OR51B5: variants seen among roughly 807,000 people sequenced by gnomAD.
OR51B5 encodes the protein olfactory receptor family 51 subfamily B member 5.
For synonymous variants in OR51B5, 186 were observed against 144.8 expected (o/e 1.28, Z -2.04); for missense variants, 456 against 374.6 (o/e 1.22, Z -1.79).
intron 1 of OR51B5, among the ~76,000 whole-genome samples, chr11:5,385,691 T>TAG (rs1849678548): frequency 6.9e-6 from 1 of 144,228 alleles, no homozygotes; most frequent in African/African-American, 2.6e-5. Context: ...CTACCTATAA[T>TAG]ATATATGTTG....
chr11:5,351,906 C>G (rs1265160807), intron 1 of OR51B5: 1 of 1,613,028 alleles, frequency 6.2e-7, no homozygotes, highest in East Asian at 2.2e-5. Flanking sequence ...ATACCTCTAT[C>G]CTGACCAACA....
chr11:5,431,003 C>T, intron 1 of OR51B5: 1 of 456,968 alleles, frequency 2.2e-6, no homozygotes, highest in South Asian at 1.5e-5. Flanking sequence ...ATGGCTAAGC[C>T]CAGGATGCTG....
chr11:5,383,912 C>T (rs1403431429), intron 1 of OR51B5: 1 of 152,154 alleles, frequency 6.6e-6, no homozygotes, highest in Non-Finnish European at 1.5e-5. Flanking sequence ...TTGTTATTAC[C>T]TGCTGGTGAG....
chr11:5,477,473 T>C (rs539091494), intron 1 of OR51B5, among the ~76,000 whole-genome samples: 1 of 152,266 alleles, frequency 6.6e-6, no homozygotes, highest in South Asian at 2.1e-4. Flanking sequence ...TGTCTCAGTT[T>C]ATTACAAACC....
At chr11:5,347,145 G>A (rs749607553), upstream of OR51B5, among the ~76,000 whole-genome samples, 10 of 152,142 alleles carry the variant, frequency 6.6e-5, no homozygotes, top group Admixed American at 1.3e-4. Flanking sequence ...GAATCAGACA[G>A]CCTGTCTTCA....
chr11:5,387,248 G>A (rs1272387857), intron 1 of OR51B5, among the ~76,000 whole-genome samples: 2 of 152,100 alleles, frequency 1.3e-5, no homozygotes, highest in African/African-American at 4.8e-5. Flanking sequence ...GCTCTAAAAA[G>A]GAAGGCATGG....
At chr11:5,427,361 TAAGTG>T (rs146121217) in intron 1 of OR51B5, among the ~76,000 whole-genome samples, 25,177 of 152,086 alleles carry the variant, frequency 0.17, 2,197 homozygotes, top group East Asian at 0.24. Flanking sequence ...AACAGTTAGG[TAAGTG>T]AAGTGAATGA....
At chr11:5,454,204 A>G (rs576034244) in intron 1 of OR51B5, 1 of 1,535,602 alleles carries the variant, frequency 6.5e-7, no homozygotes, top group East Asian at 2.2e-5. Flanking sequence ...AAAGCTCTCA[A>G]CACATGTGTG....
chr11:5,495,552 T>G (rs1851638129), intron 1 of OR51B5, among the ~76,000 whole-genome samples: 1 of 152,180 alleles, frequency 6.6e-6, no homozygotes, highest in Non-Finnish European at 1.5e-5. Context: ...TTATGCAAGC[T>G]TTATGGTAAT....
chr11:5,352,464 C>G, intron 1 of OR51B5: 1 of 1,492,348 alleles, frequency 6.7e-7, no homozygotes, highest in Non-Finnish European at 9.2e-7. Context: ...TCACTGGTCT[C>G]TGAGGAATAA....
At chr11:5,341,875 T>C (rs552059775), downstream of OR51B5, among the ~76,000 whole-genome samples, 1 of 152,238 alleles carries the variant, frequency 6.6e-6, no homozygotes, top group African/African-American at 2.4e-5. Context: ...TAGAAGGAGG[T>C]ACTGACTGTG....
At chr11:5,463,561 A>C (rs1851091043) in intron 1 of OR51B5, among the ~76,000 whole-genome samples, 1 of 152,200 alleles carries the variant, frequency 6.6e-6, no homozygotes, top group Non-Finnish European at 1.5e-5. Context: ...CCCAGTTTTA[A>C]AACACTGAAG....
At chr11:5,352,005 C>CCTA (rs776410442) in intron 1 of OR51B5, 1 of 1,613,716 alleles carries the variant, frequency 6.2e-7, no homozygotes, top group Non-Finnish European at 8.5e-7. Flanking sequence ...GGTTTCCCTA[C>CCTA]TGTCGATCCC....
rs1283030669 is a variant in OR51B5, at chr11:5,482,087, A to G, written n.84+23482T>C. On this transcript the variant is annotated intron_variant and non_coding_transcript_variant, in intron 1 of 4. Coordinates refer to the OR51B5 transcript ENST00000415970. Reference sequence around the variant, plus strand: ...AAAAGAACAAAGCTGGAGGCATCACACTACCTGACTTCAAACTATACTACA... The same window carrying G: ...AAAAGAACAAAGCTGGAGGCATCACGCTACCTGACTTCAAACTATACTACA... 3.3e-5 allele frequency among the ~76,000 whole-genome samples: 4 copies of G among 119,710 alleles called. 1 individual carries two copies. The highest frequency in any genetic ancestry group is 6.6e-4 in the East Asian group (2 of 3,032). 78.5% of individuals were successfully genotyped at this position (119,710 alleles called of 152,430 possible).
intron 1 of OR51B5, among the ~76,000 whole-genome samples, chr11:5,412,997 G>C (rs1357347334): frequency 6.6e-6 from 1 of 151,166 alleles, no homozygotes; most frequent in Non-Finnish European, 1.5e-5. Flanking sequence ...TCCTCAAGTG[G>C]ATCCCTGACC....
chr11:5,361,595 T>G (rs1320739145), intron 1 of OR51B5, among the ~76,000 whole-genome samples: 1 of 152,106 alleles, frequency 6.6e-6, no homozygotes, highest in Non-Finnish European at 1.5e-5. Flanking sequence ...GAGAGGGAAA[T>G]GCAGTAATGT....
At chr11:5,430,345 G>C (rs569360798) in intron 1 of OR51B5, among the ~76,000 whole-genome samples, 34 of 152,062 alleles carry the variant, frequency 2.2e-4, no homozygotes, top group African/African-American at 8.2e-4. Flanking sequence ...TATTTGTCAG[G>C]CTTTTTTGCT....
At chr11:5,372,543 T>G (rs1849462983) in intron 1 of OR51B5, among the ~76,000 whole-genome samples, 1 of 152,230 alleles carries the variant, frequency 6.6e-6, no homozygotes, top group Non-Finnish European at 1.5e-5. Context: ...ATATGCCTGC[T>G]GACCATTTGC....
At chr11:5,357,885 A>G (rs1849219495) in intron 1 of OR51B5, among the ~76,000 whole-genome samples, 1 of 152,062 alleles carries the variant, frequency 6.6e-6, no homozygotes, top group South Asian at 2.1e-4. Flanking sequence ...TTGCTCCTGA[A>G]TGACTACTGG....
Sources: gnomAD v4.1 joint callset for allele counts (sites outside exome capture counted in the v4.1 genomes callset) on GRCh38, gnomAD v4.1.1 for gene constraint, MANE v1.5 for transcripts, NCBI Gene and HGNC (gene_info 2026-07-23, HGNC 2026-07-21) for gene names.